The following SLC16A10 variants were observed in gnomAD, a reference collection of about 807,000 sequenced individuals.
SLC16A10 encodes monocarboxylate transporter 10.
A neutral mutation model predicts 40.0 loss-of-function variants in SLC16A10; 27 were observed. The observed-to-expected ratio is 0.67, with a 90% CI of 0.50 to 0.93. The LOEUF (loss-of-function observed/expected upper bound fraction) is 0.93, where lower values mean the gene tolerates loss of function less well. Among genes scored for constraint, SLC16A10 ranks in the 40% least tolerant of loss-of-function variants. The pLI is 0.00. For synonymous variants in SLC16A10, 213 were observed against 249.8 expected (o/e 0.85, Z 1.39); for missense variants, 529 against 658.2 (o/e 0.80, Z 2.15).
intron 3 of SLC16A10, among the ~76,000 whole-genome samples, chr6:111,188,746 T>TATTC (rs1772942880): frequency 1.3e-5 from 2 of 152,346 alleles, no homozygotes; most frequent in African/African-American, 2.4e-5. Context: ...ATGTTTCCTT[T>TATTC]ATTCATTCAT....
At chr6:111,191,426 G>A (rs534445586) in intron 3 of SLC16A10, among the ~76,000 whole-genome samples, 267 of 152,220 alleles carry the variant, frequency 1.8e-3, no homozygotes, top group Non-Finnish European at 3.2e-3. Flanking sequence ...TCACTGATGG[G>A]CATTTGGGTT....
At chr6:111,177,958 G>C (rs1457139552) in intron 3 of SLC16A10, among the ~76,000 whole-genome samples, 1 of 152,122 alleles carries the variant, frequency 6.6e-6, no homozygotes, top group Non-Finnish European at 1.5e-5. Context: ...AGGATCACTT[G>C]AGCCCAGGAG....
intron 1 of SLC16A10, among the ~76,000 whole-genome samples, chr6:111,171,781 A>G (rs1299949839): frequency 1.4e-5 from 2 of 146,446 alleles, no homozygotes; most frequent in Admixed American, 7.2e-5. Context: ...GCACCACTGC[A>G]CTCCAGCCTG....
At chr6:111,183,279 G>T (rs1188227194) in intron 3 of SLC16A10, among the ~76,000 whole-genome samples, 1 of 152,026 alleles carries the variant, frequency 6.6e-6, no homozygotes, top group Admixed American at 6.6e-5. Context: ...TTCACAAACC[G>T]CTCCTATTAC....
At chr6:111,205,042 GA>G (rs767091220) in intron 3 of SLC16A10, among the ~76,000 whole-genome samples, 5 of 151,970 alleles carry the variant, frequency 3.3e-5, no homozygotes, top group Non-Finnish European at 5.9e-5. Flanking sequence ...GGAGAGCTTT[GA>G]ATACCAATCT....
At chr6:111,109,161 C>T (rs551485050) in intron 1 of SLC16A10, among the ~76,000 whole-genome samples, 2 of 152,170 alleles carry the variant, frequency 1.3e-5, no homozygotes, top group Non-Finnish European at 2.9e-5. Context: ...ATCATGTAAC[C>T]ACCATCACAA....
At chr6:111,128,823 C>T (rs1223499576) in intron 1 of SLC16A10, among the ~76,000 whole-genome samples, 1 of 151,818 alleles carries the variant, frequency 6.6e-6, no homozygotes, top group African/African-American at 2.4e-5. Context: ...TTTACCCCAA[C>T]AAATTGTTTT....
At position 111,223,752 on chromosome 6, in the gene SLC16A10, T is replaced by G. The variant is rs1770943658; in HGVS notation, c.*1517T>G. 1 of 152,226 alleles carries G rather than the reference T, an allele frequency of 6.6e-6. No individual in the cohort carries two copies. The highest frequency in any genetic ancestry group is 1.5e-5 in the Non-Finnish European group (1 of 68,048). The allele number at this position is 152,226 out of a possible 1,614,324, so 9.4% of individuals were successfully genotyped here. A position where few individuals can be genotyped will look rare whatever the true frequency, so the allele number is the denominator to read the frequency against. ...ATATAAAACGTTACTTTCTCATTTT[T>G]GAGAAGTTCAACAAAACATACTACT... On this transcript the variant is annotated 3_prime_UTR_variant, in exon 6 of 6. Coordinates refer to ENST00000368851, the MANE Select transcript of SLC16A10 (RefSeq NM_018593.5).
chr6:111,195,537 GAA>G (rs1056032330), intron 3 of SLC16A10, among the ~76,000 whole-genome samples: 13 of 152,246 alleles, frequency 8.5e-5, no homozygotes, highest in Non-Finnish European at 1.9e-4. Flanking sequence ...TAAAAAGTAA[GAA>G]AAGTTACTGC....
At chr6:111,169,297 T>C (rs1481530824) in intron 1 of SLC16A10, among the ~76,000 whole-genome samples, 3 of 152,236 alleles carry the variant, frequency 2.0e-5, no homozygotes, top group Admixed American at 1.3e-4. Flanking sequence ...ACGGTGAGTC[T>C]TTTGAATGAC....
chr6:111,140,163 A>T (rs916259185), intron 1 of SLC16A10, among the ~76,000 whole-genome samples: 1 of 152,102 alleles, frequency 6.6e-6, no homozygotes. Context: ...AATTTTTTTT[A>T]AAAGAAACAG....
At chr6:111,198,179 C>T (rs942061725) in intron 3 of SLC16A10, among the ~76,000 whole-genome samples, 1 of 152,010 alleles carries the variant, frequency 6.6e-6, no homozygotes, top group Non-Finnish European at 1.5e-5. Flanking sequence ...CTCAGCTACT[C>T]GGGAGGCTGA....
At chr6:111,188,910 G>T (rs1772945400) in intron 3 of SLC16A10, among the ~76,000 whole-genome samples, 1 of 152,202 alleles carries the variant, frequency 6.6e-6, no homozygotes, top group Non-Finnish European at 1.5e-5. Context: ...GCTCAGAGAG[G>T]TTTAAAAGGT....
intron 3 of SLC16A10, among the ~76,000 whole-genome samples, chr6:111,203,255 ACCT>A (rs1370215450): frequency 6.6e-6 from 1 of 152,052 alleles, no homozygotes; most frequent in African/African-American, 2.4e-5. Context: ...AACATACCAG[ACCT>A]CCTGGGTACT....
Position 111,178,392 on chromosome 6 carries a change from T to C in SLC16A10, c.942+727T>C, listed in dbSNP as rs1325092760. 1.1e-5 allele frequency: 6 copies of C among 533,010 alleles called. No individual in the cohort carries two copies. The Admixed American group carries it at 1.2e-4, about 10-fold the overall frequency. The allele number at this position is 533,010 out of a possible 1,614,324, so 33.0% of individuals were successfully genotyped here. A position where few individuals can be genotyped will look rare whatever the true frequency, so the allele number is the denominator to read the frequency against. Reference sequence around the variant, plus strand: ...TCAAGAAGTTTATATTGTTTATTTCTATTTCAAAGGCAAAATTCAGCTTTG... The same window carrying C: ...TCAAGAAGTTTATATTGTTTATTTCCATTTCAAAGGCAAAATTCAGCTTTG... On this transcript the variant is annotated intron_variant, in intron 3 of 5. Transcript: ENST00000368851.
intron 1 of SLC16A10, among the ~76,000 whole-genome samples, chr6:111,107,835 T>C (rs1771311524): frequency 6.6e-6 from 1 of 152,152 alleles, no homozygotes; most frequent in Non-Finnish European, 1.5e-5. Flanking sequence ...AGCCAAAGAA[T>C]GATAATATTT....
chr6:111,152,612 A>G (rs2114517092), intron 1 of SLC16A10, among the ~76,000 whole-genome samples: 1 of 152,340 alleles, frequency 6.6e-6, no homozygotes, highest in East Asian at 1.9e-4. Context: ...GGGTTATTTC[A>G]TTGTGAGAGA....
intron 1 of SLC16A10, among the ~76,000 whole-genome samples, chr6:111,130,911 C>G (rs1230650796): frequency 6.6e-6 from 1 of 152,200 alleles, no homozygotes; most frequent in Non-Finnish European, 1.5e-5. Flanking sequence ...CTCTCTGTGC[C>G]TTAATTTTCT....
At chr6:111,157,808 A>G (rs2114523214) in intron 1 of SLC16A10, among the ~76,000 whole-genome samples, 1 of 152,254 alleles carries the variant, frequency 6.6e-6, no homozygotes, top group South Asian at 2.1e-4. Context: ...GTGGGAGACT[A>G]GACAAATCTC....
Sources: allele counts gnomAD v4.1 joint callset (sites outside exome capture counted in the v4.1 genomes callset), GRCh38; gene constraint gnomAD v4.1.1; transcripts MANE v1.5; gene names NCBI Gene and HGNC (gene_info 2026-07-23, HGNC 2026-07-21).